Variants in TMEM132D observed in about 807,000 individuals in gnomAD.
TMEM132D encodes mature OL transmembrane protein.
In TMEM132D, 21 loss-of-function variants were observed where a neutral mutation model predicts 62.3. That is an observed-to-expected ratio of 0.34 (90% CI 0.24 to 0.49). TMEM132D has a LOEUF of 0.49. Ranked by LOEUF, TMEM132D falls within the 20% of genes least tolerant of loss-of-function variation. The probability of loss-of-function intolerance (pLI) is 0.99; values close to 1 mark genes in which losing one functional copy is unlikely to be tolerated. For missense variants in TMEM132D, 1,346 were observed against 1,402.8 expected, an observed-to-expected ratio of 0.96 and a Z score of 0.65; for synonymous variants, 621 against 575.6, an observed-to-expected ratio of 1.08 and a Z score of -1.13.
intron 1 of TMEM132D, among the ~76,000 whole-genome samples, chr12:129,819,135 C>T (rs1872464686): frequency 6.6e-6 from 1 of 151,834 alleles, no homozygotes. Context: ...AGAAAAGGAA[C>T]GAAAACATAG....
rs533929368 is a variant in TMEM132D, at chr12:129,655,076, T to C, written c.968+44734A>G. ...CATTCTCCTGCCTCAGCCTCCACAGTAGATGGGACTACAGGCGCCTGCCAC... is the reference window on the plus strand; with the variant it reads ...CATTCTCCTGCCTCAGCCTCCACAGCAGATGGGACTACAGGCGCCTGCCAC... On this transcript the variant is annotated intron_variant, in intron 2 of 8. Coordinates refer to ENST00000422113, the MANE Select transcript of TMEM132D (RefSeq NM_133448.3). Among the ~76,000 whole-genome samples, 5 of 151,872 alleles carry C rather than the reference T, an allele frequency of 3.3e-5. No homozygotes were observed. In the East Asian group the frequency reaches 9.8e-4, roughly 30 times the overall value.
intron 4 of TMEM132D, among the ~76,000 whole-genome samples, chr12:129,234,326 T>C (rs75996341): frequency 0.011 from 1,620 of 152,276 alleles, 31 homozygotes; most frequent in African/African-American, 0.037. Context: ...ACATGATCTG[T>C]CTTGTAATAA....
intron 4 of TMEM132D, among the ~76,000 whole-genome samples, chr12:129,303,598 C>T (rs990409185): frequency 6.6e-6 from 1 of 150,506 alleles, no homozygotes. Flanking sequence ...GCAGAGCCTC[C>T]ACCATCATCA....
At chr12:129,555,062 C>T (rs1877017223) in intron 2 of TMEM132D, among the ~76,000 whole-genome samples, 2 of 152,168 alleles carry the variant, frequency 1.3e-5, no homozygotes, top group Admixed American at 1.3e-4. Flanking sequence ...AAATATCCTG[C>T]CAATGCTTAG....
chr12:129,100,889 G>A (rs117326718), intron 5 of TMEM132D, among the ~76,000 whole-genome samples: 3,757 of 152,318 alleles, frequency 0.025, 58 homozygotes, highest in South Asian at 0.05. Flanking sequence ...CCTGGGGGGA[G>A]GCACTGAGGA....
chr12:129,610,791 G>A (rs544298314), intron 2 of TMEM132D, among the ~76,000 whole-genome samples: 5 of 151,822 alleles, frequency 3.3e-5, no homozygotes, highest in Admixed American at 1.3e-4. Context: ...AGTGAATTAC[G>A]AACTTGTTCC....
chr12:129,254,906 A>G (rs1255925627), intron 4 of TMEM132D, among the ~76,000 whole-genome samples: 1 of 152,142 alleles, frequency 6.6e-6, no homozygotes, highest in Non-Finnish European at 1.5e-5. Flanking sequence ...TGTGTCCCCA[A>G]CCAAATCTCA....
chr12:129,478,420 C>T (rs905847930), intron 3 of TMEM132D, among the ~76,000 whole-genome samples: 1 of 152,236 alleles, frequency 6.6e-6, no homozygotes, highest in African/African-American at 2.4e-5. Flanking sequence ...GAACCACCAT[C>T]TCATGTATGG....
intron 3 of TMEM132D, among the ~76,000 whole-genome samples, chr12:129,455,174 CA>C (rs1480858273): frequency 2.6e-5 from 4 of 152,176 alleles, no homozygotes; most frequent in Admixed American, 2.0e-4. Flanking sequence ...TATTCAAAGA[CA>C]GGCTATAAAG....
At chr12:129,844,514 A>T (rs1201556619) in intron 1 of TMEM132D, among the ~76,000 whole-genome samples, 1 of 152,202 alleles carries the variant, frequency 6.6e-6, no homozygotes, top group African/African-American at 2.4e-5. Flanking sequence ...GATTCCAGCA[A>T]TTTCACGGAT....
In TMEM132D at chr12:129,160,209, T is replaced by C. The variant is rs566519004; in HGVS notation, c.1443+49311A>G. Reference sequence around the variant, plus strand: ...CTTGTTTTGGCCTCAACCACATCCATTTTGTCTTCTATTTTTCACAGAATT... The same window carrying C: ...CTTGTTTTGGCCTCAACCACATCCACTTTGTCTTCTATTTTTCACAGAATT... On this transcript the variant is annotated intron_variant, in intron 5 of 8. Coordinates refer to ENST00000422113, the MANE Select transcript of TMEM132D (RefSeq NM_133448.3). Among the ~76,000 whole-genome samples, 13 of 152,332 alleles carry C rather than the reference T, an allele frequency of 8.5e-5. No homozygotes were observed. In the South Asian group the frequency reaches 2.3e-3, roughly 27 times the overall value.
intron 5 of TMEM132D, among the ~76,000 whole-genome samples, chr12:129,131,188 C>A (rs1402015385): frequency 6.6e-6 from 1 of 152,152 alleles, no homozygotes; most frequent in Non-Finnish European, 1.5e-5. Flanking sequence ...TGTATGTATG[C>A]ATAAGTATGT....
chr12:129,785,938 G>A (rs764356509), intron 1 of TMEM132D, among the ~76,000 whole-genome samples: 48 of 152,244 alleles, frequency 3.2e-4, no homozygotes, highest in Middle Eastern at 3.4e-3. Context: ...TATGATTGGC[G>A]CAGTTTTTTG....
rs548965791 is a variant in TMEM132D at position 129,408,770 on chromosome 12, G to T, written c.1116-70953C>A. 4.6e-5 allele frequency among the ~76,000 whole-genome samples: 7 copies of T among 152,232 alleles called. No homozygotes were observed. In the East Asian group the frequency reaches 1.3e-3, roughly 29 times the overall value. On this transcript the variant is annotated intron_variant, in intron 3 of 8. Transcript: ENST00000422113. ...TCTGTGTTTGCATATACACTCATGT[G>T]CACAAATGTGTGTTTGTGTGTCATA... is the stretch of plus-strand genomic sequence containing the variant.
chr12:129,752,722 C>A (rs149594889), intron 1 of TMEM132D, among the ~76,000 whole-genome samples: 4 of 152,178 alleles, frequency 2.6e-5, no homozygotes, highest in African/African-American at 9.7e-5. Context: ...GGGCCCTGTG[C>A]AGCTTTGGGG....
chr12:129,164,645 G>T (rs375737737), intron 5 of TMEM132D, among the ~76,000 whole-genome samples: 79 of 152,290 alleles, frequency 5.2e-4, no homozygotes, highest in African/African-American at 1.8e-3. Context: ...GGGAAGCAAG[G>T]CACCTTCTTC....
chr12:129,773,407 G>A (rs550415369), intron 1 of TMEM132D, among the ~76,000 whole-genome samples: 1 of 152,252 alleles, frequency 6.6e-6, no homozygotes, highest in African/African-American at 2.4e-5. Context: ...GGTGGTGGTG[G>A]TGATTTCAGT....
intron 2 of TMEM132D, among the ~76,000 whole-genome samples, chr12:129,542,222 T>C (rs1256967574): frequency 3.3e-5 from 5 of 152,200 alleles, no homozygotes; most frequent in Non-Finnish European, 7.3e-5. Flanking sequence ...GAGATGTGCC[T>C]AGTTTTCAGG....
intron 8 of TMEM132D, among the ~76,000 whole-genome samples, chr12:129,076,802 T>A (rs1454052502): frequency 6.6e-6 from 1 of 152,224 alleles, no homozygotes; most frequent in East Asian, 1.9e-4. Flanking sequence ...TAGCTCTGCA[T>A]GTCAGGAACG....
Sources: allele counts gnomAD v4.1 joint callset (sites outside exome capture counted in the v4.1 genomes callset), GRCh38; gene constraint gnomAD v4.1.1; transcripts MANE v1.5; gene names NCBI Gene and HGNC (gene_info 2026-07-23, HGNC 2026-07-21).